TMEM135: variants seen among roughly 807,000 people sequenced by gnomAD.
TMEM135 encodes peroxisomal membrane protein 52.
TMEM135 carries 30 observed loss-of-function variants against 60.3 expected under a neutral mutation model. The observed-to-expected ratio is 0.50, with a 90% CI of 0.37 to 0.68. The LOEUF (loss-of-function observed/expected upper bound fraction) is 0.68, where lower values mean the gene tolerates loss of function less well. Ranked by LOEUF, TMEM135 falls within the 30% of genes least tolerant of loss-of-function variation. The pLI is 0.00. For synonymous variants in TMEM135, 190 were observed against 186.7 expected, an observed-to-expected ratio of 1.02 and a Z score of -0.14; for missense variants, 468 against 548.8, an observed-to-expected ratio of 0.85 and a Z score of 1.47.
chr11:87,123,266 A>C (rs1005993062), intron 4 of TMEM135, among the ~76,000 whole-genome samples: 1 of 114,950 alleles, frequency 8.7e-6, no homozygotes. Flanking sequence ...TGGCAGAGCT[A>C]TGCTCCTGAA....
intron 6 of TMEM135, among the ~76,000 whole-genome samples, chr11:87,266,607 A>G (rs17821243): frequency 0.025 from 3,800 of 152,182 alleles, 70 homozygotes; most frequent in Non-Finnish European, 0.036. Flanking sequence ...TTTAACTACT[A>G]TCTAATGTAA....
chr11:87,186,287 A>G (rs575353760), intron 5 of TMEM135, among the ~76,000 whole-genome samples: 3 of 152,170 alleles, frequency 2.0e-5, no homozygotes, highest in Non-Finnish European at 4.4e-5. Context: ...TCCTTTGGCT[A>G]TAACCCTAGT....
intron 3 of TMEM135, among the ~76,000 whole-genome samples, chr11:87,087,213 A>G (rs117393952): frequency 1.7e-4 from 26 of 152,122 alleles, no homozygotes; most frequent in Non-Finnish European, 3.4e-4. Flanking sequence ...ATGCCCAGAT[A>G]ACTGGTGGCT....
chr11:87,293,912 T>G (rs1032124684), intron 6 of TMEM135, among the ~76,000 whole-genome samples: 2 of 152,210 alleles, frequency 1.3e-5, no homozygotes, highest in African/African-American at 2.4e-5. Context: ...GTATTTCTGG[T>G]TCCAGATCCT....
chr11:87,086,932 C>T (rs767988571), intron 3 of TMEM135, among the ~76,000 whole-genome samples: 1 of 152,098 alleles, frequency 6.6e-6, no homozygotes, highest in Non-Finnish European at 1.5e-5. Context: ...TGAAGAGGTA[C>T]CTCTAATTGC....
rs1565176258 is a variant in TMEM135, at chr11:87,328,057, A to G, written c.*6724A>G. On this transcript the variant is annotated 3_prime_UTR_variant, in exon 15 of 15. Transcript: ENST00000305494. ...ATAATGCCTTACCAGTTCTCTAGAT[A>G]TTCCTTAATCCAGTCAAGTTGATGC... 2.2e-6 allele frequency: 1 copy of G among 454,098 alleles called. No individual in the cohort carries two copies. The highest frequency in any genetic ancestry group is 4.4e-6 in the Non-Finnish European group (1 of 226,790). The allele number at this position is 454,098 out of a possible 1,614,324, so 28.1% of individuals were successfully genotyped here. A position where few individuals can be genotyped will look rare whatever the true frequency, so the allele number is the denominator to read the frequency against.
chr11:87,074,870 A>G (rs556158096), intron 3 of TMEM135, among the ~76,000 whole-genome samples: 1 of 152,286 alleles, frequency 6.6e-6, no homozygotes, highest in East Asian at 1.9e-4. Flanking sequence ...ATGGCTTTTA[A>G]TGCTATTTTT....
chr11:87,147,375 C>G (rs981863185), intron 4 of TMEM135, among the ~76,000 whole-genome samples: 88 of 152,098 alleles, frequency 5.8e-4, no homozygotes, highest in African/African-American at 1.9e-3. Context: ...ATTGTTACTT[C>G]TTTTTTAAGA....
intron 6 of TMEM135, among the ~76,000 whole-genome samples, chr11:87,253,024 A>G (rs1232464003): frequency 6.6e-6 from 1 of 150,966 alleles, no homozygotes; most frequent in Non-Finnish European, 1.5e-5. Flanking sequence ...ATGAGAAAAC[A>G]TAGGTTCATA....
intron 4 of TMEM135, among the ~76,000 whole-genome samples, chr11:87,132,677 A>G (rs1457162467): frequency 1.4e-5 from 1 of 69,662 alleles, no homozygotes; most frequent in Non-Finnish European, 3.2e-5. Flanking sequence ...AGTGTTTAAC[A>G]ACAACTTTAT....
At chr11:87,179,615 A>AT (rs1432750578) in intron 5 of TMEM135, among the ~76,000 whole-genome samples, 52 of 151,000 alleles carry the variant, frequency 3.4e-4, no homozygotes, top group Admixed American at 1.4e-3. Flanking sequence ...ATCCAAGTTC[A>AT]TTTTTTTTTA....
chr11:87,150,065 A>G (rs917986370), intron 4 of TMEM135, among the ~76,000 whole-genome samples: 3 of 152,010 alleles, frequency 2.0e-5, no homozygotes, highest in Admixed American at 2.0e-4. Flanking sequence ...AAATACAAAA[A>G]AATTAGCTGG....
At chr11:87,093,752 G>A (rs2445563) in intron 4 of TMEM135, among the ~76,000 whole-genome samples, 2 of 151,306 alleles carry the variant, frequency 1.3e-5, no homozygotes, top group African/African-American at 2.4e-5. Context: ...CAGTCTGGTC[G>A]TGAACTCCTG....
chr11:87,291,952 C>G (rs190514696), intron 6 of TMEM135, among the ~76,000 whole-genome samples: 1 of 152,320 alleles, frequency 6.6e-6, no homozygotes, highest in Admixed American at 6.5e-5. Flanking sequence ...ACCACTCCCT[C>G]TCTCCACCCT....
At chr11:87,252,294 T>C (rs756513773) in intron 6 of TMEM135, among the ~76,000 whole-genome samples, 21 of 151,814 alleles carry the variant, frequency 1.4e-4, no homozygotes, top group Non-Finnish European at 2.6e-4. Context: ...CATTTAGGGG[T>C]AGATTATTAA....
intron 6 of TMEM135, among the ~76,000 whole-genome samples, chr11:87,244,078 C>G (rs201106769): frequency 4.9e-3 from 384 of 78,058 alleles, no homozygotes; most frequent in Non-Finnish European, 6.2e-3. Flanking sequence ...TGAATTTTGT[C>G]AAAGGCCTTT....
intron 1 of TMEM135, among the ~76,000 whole-genome samples, chr11:87,047,784 C>G (rs1193437492): frequency 8.2e-6 from 1 of 121,564 alleles, no homozygotes; most frequent in South Asian, 2.8e-4. Context: ...ACAAAGCAGC[C>G]GGGAAGCTCC....
In TMEM135 at chr11:87,326,986, T is replaced by C; in HGVS notation, c.*5653T>C. ...AATTCAAAAATGGGATTGCAGTCAT[T>C]GTTAATTGCTCAACTAGTGGCAGTT... is the stretch of plus-strand genomic sequence containing the variant. On this transcript the variant is annotated 3_prime_UTR_variant, in exon 15 of 15. Transcript: ENST00000305494. 2 of 453,856 alleles carry C rather than the reference T, an allele frequency of 4.4e-6. No homozygotes were observed. Among genetic ancestry groups the C allele is most frequent in the Non-Finnish European group, 8.8e-6 (2 of 226,736 alleles). The allele number at this position is 453,856 out of a possible 1,614,324, so 28.1% of individuals were successfully genotyped here.
At chr11:87,253,913 C>G (rs1229640022) in intron 6 of TMEM135, among the ~76,000 whole-genome samples, 1 of 151,696 alleles carries the variant, frequency 6.6e-6, no homozygotes, top group African/African-American at 2.4e-5. Flanking sequence ...ATTCAGTTTA[C>G]TCTTTAGAAG....
Sources: allele counts gnomAD v4.1 joint callset (sites outside exome capture counted in the v4.1 genomes callset), GRCh38; gene constraint gnomAD v4.1.1; transcripts MANE v1.5; gene names NCBI Gene and HGNC (gene_info 2026-07-23, HGNC 2026-07-21).